CTAGE1: variants seen among roughly 807,000 people sequenced by gnomAD.
CTAGE1 encodes cTAGE family member 2.
For missense variants in CTAGE1, 963 were observed against 855.9 expected (o/e 1.13, Z -1.56); for synonymous variants, 332 against 302.8 (o/e 1.10, Z -1.00).
At position 22,416,641 on chromosome 18, in the gene CTAGE1, T is replaced by A; in HGVS notation, c.1171A>T (p.Ile391Phe). Reference protein sequence around the residue: ...EEKLSKVDEMISHATEELETY... With the variant: ...EEKLSKVDEMFSHATEELETY... ...TCCAGCTCTTCAGTGGCATGGCTGATCATTTCGTCTACTTTAGAAAGTTTC... is the reference window on the plus strand; with the variant it reads ...TCCAGCTCTTCAGTGGCATGGCTGAACATTTCGTCTACTTTAGAAAGTTTC... The change falls in exon 1 of 1, where the codon ATC becomes TTC. Residue 391 changes from isoleucine (I) to phenylalanine (F), a missense_variant. Coordinates refer to ENST00000391403, the MANE Select transcript of CTAGE1 (RefSeq NM_172241.3). 1.2e-6 allele frequency: 2 copies of A among 1,613,914 alleles called. No homozygotes were observed. Among genetic ancestry groups the A allele is most frequent in the Non-Finnish European group, 1.7e-6 (2 of 1,179,976 alleles).
Position 22,415,409 on chromosome 18 carries a change from T to C in CTAGE1, c.*165A>G. On this transcript the variant is annotated 3_prime_UTR_variant, in exon 1 of 1. Transcript: ENST00000391403. ...CATTAAGTTTCAATCTGAACAAAAG[T>C]GTAATCACTTAAGTAACAGCAGTTA... 1.7e-6 allele frequency: 1 copy of C among 604,820 alleles called. No individual in the cohort carries two copies. The highest frequency in any genetic ancestry group is 2.8e-5 in the East Asian group (1 of 35,714). 37.5% of individuals were successfully genotyped at this position (604,820 alleles called of 1,614,324 possible). A position where few individuals can be genotyped will look rare whatever the true frequency, so the allele number is the denominator to read the frequency against.
Position 22,416,081 on chromosome 18 carries a change from A to T in CTAGE1, c.1731T>A (p.Pro577=), listed in dbSNP as rs1237164847. ...AATCAGGATATGATTGTCCTGGTGG[A>T]GGAAACATCATCCTATAGTCCTGTT... ...PWEQDYRMMF[P]PPGQSYPDSA... is the part of the protein sequence containing the mutation. Residue 577 remains proline, a synonymous_variant, in exon 1 of 1, where the codon CCT becomes CCA. Coordinates refer to ENST00000391403, the MANE Select transcript of CTAGE1 (RefSeq NM_172241.3). The T allele has an allele frequency of 6.2e-7, 1 of 1,613,970 alleles. No homozygotes were observed.
chr18:22,416,794 G>T lies in CTAGE1; in HGVS notation c.1018C>A (p.His340Asn), dbSNP rs770981919. ...EQASLQSENT[H>N]FESENQKLQQ... ...AGCTTCTGATTCTCACTTTCAAAAT[G>T]TGTGTTTTCTGACTGCAAAGATGCT... The change falls in exon 1 of 1, where the codon CAT (histidine) becomes AAT (asparagine). Residue 340 changes from histidine to asparagine, a missense_variant. Physicochemically the swap from His to Asn is moderately conservative, Grantham distance 68. Coordinates refer to ENST00000391403, the MANE Select transcript of CTAGE1 (RefSeq NM_172241.3). 1.2e-6 allele frequency: 2 copies of T among 1,612,410 alleles called. No homozygotes were observed.
chr18:22,417,094 G>C lies in CTAGE1; in HGVS notation c.718C>G (p.Arg240Gly). 6.2e-7 allele frequency: 1 copy of C among 1,613,870 alleles called. No homozygotes were observed. Among genetic ancestry groups the C allele is most frequent in the Non-Finnish European group, 8.5e-7 (1 of 1,179,836 alleles). ...ACCCCATCTTTCATCTTTAGCAAGC[G>C]TTCAGTCAGAGTCTTGATGTGATTT... The part of the protein sequence containing the change: ...KENHIKTLTE[R>G]LLKMKDGVAM... Residue 240 changes from arginine (R) to glycine (G), a missense_variant, in exon 1 of 1, where the codon CGC (arginine) becomes GGC (glycine). Transcript: ENST00000391403.
rs372541674 is a variant in CTAGE1, at chr18:22,417,060, A to C, written c.752T>G (p.Leu251Arg). ...ATCATCATCCGTTACATCTTCTTCAAGCATAGCAACCCCATCTTTCATCTT... is the reference window on the plus strand; with the variant it reads ...ATCATCATCCGTTACATCTTCTTCACGCATAGCAACCCCATCTTTCATCTT... ...LLKMKDGVAMLEEDVTDDDNL... is the reference protein window; with the variant it reads ...LLKMKDGVAMREEDVTDDDNL... The change falls in exon 1 of 1, where the codon CTT (leucine) becomes CGT (arginine). Residue 251 changes from leucine to arginine, a missense_variant. Physicochemically the swap from Leu to Arg is moderately radical, Grantham distance 102. Transcript: ENST00000391403. 6.2e-7 allele frequency: 1 copy of C among 1,613,974 alleles called. No individual in the cohort carries two copies.
Position 22,414,291 on chromosome 18 carries a change from T to G in CTAGE1, c.*1283A>C. The G allele has an allele frequency of 5.4e-6, 1 of 185,042 alleles. No homozygotes were observed. The highest frequency in any genetic ancestry group is 1.1e-5 in the Non-Finnish European group (1 of 89,764). 11.5% of individuals were successfully genotyped at this position (185,042 alleles called of 1,614,324 possible). A position where few individuals can be genotyped will look rare whatever the true frequency, so the allele number is the denominator to read the frequency against. ...AACAGAAGCATAAAGTAGCTGAGGA[T>G]AGTGGTGGTTCAAGGGAAGACGGAA... is the stretch of plus-strand genomic sequence containing the variant. On this transcript the variant is annotated 3_prime_UTR_variant, in exon 1 of 1. Transcript: ENST00000391403.
Position 22,415,547 on chromosome 18 carries a change from C to G in CTAGE1, c.*27G>C. 6.5e-7 allele frequency: 1 copy of G among 1,547,764 alleles called. No individual in the cohort carries two copies. The highest frequency in any genetic ancestry group is 2.2e-5 in the East Asian group (1 of 44,464). ...CAGCAGGCTCATTTGAAGTCGGACT[C>G]AACCCTGATGGAAACTCATTCTACC... On this transcript the variant is annotated 3_prime_UTR_variant, in exon 1 of 1. Coordinates refer to ENST00000391403, the MANE Select transcript of CTAGE1 (RefSeq NM_172241.3).
rs201563176 is a variant in CTAGE1, at chr18:22,416,116, G to A, written c.1696C>T (p.Pro566Ser). 2 of 1,613,984 alleles carry A rather than the reference G, an allele frequency of 1.2e-6. No individual in the cohort carries two copies. The highest frequency in any genetic ancestry group is 1.7e-6 in the Non-Finnish European group (2 of 1,179,868). ...RAPSDAGPLA[P>S]PWEQDYRMMF... ...ATCCTATAGTCCTGTTCCCACGGAG[G>A]TGCCAGGGGCCCAGCGTCAGAAGGA... Residue 566 changes from proline (P) to serine (S), a missense_variant, in exon 1 of 1, where the codon CCT (proline) becomes TCT (serine). Pro to Ser is a moderately conservative substitution (Grantham distance 74). Transcript: ENST00000391403.
Position 22,417,483 on chromosome 18 carries a change from T to G in CTAGE1, c.329A>C (p.Glu110Ala). 3.1e-6 allele frequency: 5 copies of G among 1,614,036 alleles called. No individual in the cohort carries two copies. Among genetic ancestry groups the G allele is most frequent in the Non-Finnish European group, 4.2e-6 (5 of 1,179,878 alleles). The change falls in exon 1 of 1, where the codon GAA (glutamate) becomes GCA (alanine). Residue 110 changes from glutamate (E) to alanine (A), a missense_variant. Physicochemically the swap from Glu to Ala is moderately radical, Grantham distance 107 (BLOSUM62 -1). Coordinates refer to ENST00000391403, the MANE Select transcript of CTAGE1 (RefSeq NM_172241.3). ...TAGACAGAGTATTTCATGCACAAGT[T>G]CAGAATTGAACCTGTTCAGCTTTTC... ...TCEKLNRFNSELVHEILCLEK... is the reference protein window; with the variant it reads ...TCEKLNRFNSALVHEILCLEK...
Position 22,415,437 on chromosome 18 carries a change from T to C in CTAGE1, c.*137A>G, listed in dbSNP as rs2034997199. On this transcript the variant is annotated 3_prime_UTR_variant, in exon 1 of 1. Coordinates refer to ENST00000391403, the MANE Select transcript of CTAGE1 (RefSeq NM_172241.3). ...AATCACTTAAGTAACAGCAGTTACT[T>C]AAACTGAAAATGAGATCAGTCAAAA... 1.4e-6 allele frequency: 1 copy of C among 719,732 alleles called. No individual in the cohort carries two copies. The highest frequency in any genetic ancestry group is 1.8e-5 in the African/African-American group (1 of 56,092). The allele number at this position is 719,732 out of a possible 1,614,324, so 44.6% of individuals were successfully genotyped here.
Position 22,416,193 on chromosome 18 carries a change from G to A in CTAGE1, c.1619C>T (p.Thr540Ile), listed in dbSNP as rs745837406. ...GPGNPPDHQI[T>I]KERGESSCDR... is the part of the protein sequence containing the mutation. The stretch of plus-strand genomic sequence containing the variant: ...ACAGCTTGATTCTCCTCTTTCTTTG[G>A]TAATCTGATGGTCCGGAGGATTCCC... The change falls in exon 1 of 1, where the codon ACC becomes ATC. Residue 540 changes from threonine to isoleucine, a missense_variant. Physicochemically the swap from Thr to Ile is moderately conservative, Grantham distance 89. Transcript: ENST00000391403. 9.3e-6 allele frequency: 15 copies of A among 1,613,876 alleles called. No individual in the cohort carries two copies. The highest frequency in any genetic ancestry group is 1.2e-5 in the Non-Finnish European group (14 of 1,179,856).
rs955954493 is a variant in CTAGE1, at chr18:22,414,774, C to T, written c.*800G>A. ...TATAATTCTGGGGCAAGTAAAAGTTCTGGATAAAGTTGTTCCCACCAAATA... is the reference window on the plus strand; with the variant it reads ...TATAATTCTGGGGCAAGTAAAAGTTTTGGATAAAGTTGTTCCCACCAAATA... On this transcript the variant is annotated 3_prime_UTR_variant, in exon 1 of 1. Transcript: ENST00000391403. 5 of 702,726 alleles carry T rather than the reference C, an allele frequency of 7.1e-6. No individual in the cohort carries two copies. The highest frequency in any genetic ancestry group is 1.3e-5 in the Non-Finnish European group (5 of 385,002). The allele number at this position is 702,726 out of a possible 1,614,324, so 43.5% of individuals were successfully genotyped here.
rs200063482 is a variant in CTAGE1, at chr18:22,417,378, G to A, written c.434C>T (p.Ser145Leu). The A allele has an allele frequency of 1.9e-5, 30 of 1,613,918 alleles. No individual in the cohort carries two copies. Among genetic ancestry groups the A allele is most frequent in the Non-Finnish European group, 2.2e-5 (26 of 1,179,850 alleles). ...GAGGGATTTTGACTCATCTTCTAGCGACTGTATCCTTTTGGAAATATCCGC... is the reference window on the plus strand; with the variant it reads ...GAGGGATTTTGACTCATCTTCTAGCAACTGTATCCTTTTGGAAATATCCGC... The part of the protein sequence containing the change: ...LMADISKRIQ[S>L]LEDESKSLKS... The change falls in exon 1 of 1, where the codon TCG (serine) becomes TTG (leucine). Residue 145 changes from serine (S) to leucine (L), a missense_variant. Coordinates refer to ENST00000391403, the MANE Select transcript of CTAGE1 (RefSeq NM_172241.3).
In CTAGE1 at chr18:22,414,468, G is replaced by T; in HGVS notation, c.*1106C>A. ...GGATGCTTTTTAAAAGTGAGGGCAG[G>T]TTGTCCCCAAAAGAAGCAATGGCTT... On this transcript the variant is annotated 3_prime_UTR_variant, in exon 1 of 1. Transcript: ENST00000391403. The T allele has an allele frequency of 1.7e-6, 1 of 573,320 alleles. No homozygotes were observed. Among genetic ancestry groups the T allele is most frequent in the East Asian group, 2.8e-5 (1 of 35,280 alleles). The allele number at this position is 573,320 out of a possible 1,614,324, so 35.5% of individuals were successfully genotyped here. A position where few individuals can be genotyped will look rare whatever the true frequency, so the allele number is the denominator to read the frequency against.
chr18:22,415,442 T>C lies in CTAGE1; in HGVS notation c.*132A>G. ...CTTAAGTAACAGCAGTTACTTAAACTGAAAATGAGATCAGTCAAAATTACT... is the reference window on the plus strand; with the variant it reads ...CTTAAGTAACAGCAGTTACTTAAACCGAAAATGAGATCAGTCAAAATTACT... On this transcript the variant is annotated 3_prime_UTR_variant, in exon 1 of 1. Transcript: ENST00000391403. 1.3e-6 allele frequency: 1 copy of C among 750,112 alleles called. No homozygotes were observed. Among genetic ancestry groups the C allele is most frequent in the Non-Finnish European group, 2.2e-6 (1 of 450,060 alleles). The allele number at this position is 750,112 out of a possible 1,614,324, so 46.5% of individuals were successfully genotyped here. A position where few individuals can be genotyped will look rare whatever the true frequency, so the allele number is the denominator to read the frequency against.
chr18:22,415,773 G>C lies in CTAGE1; in HGVS notation c.2039C>G (p.Pro680Arg). Reference sequence around the variant, plus strand: ...GAAAGGAGGTCCTCTTCTTATGAACGGGCCCCTTGTATCTACTGGAAACAA... The same window carrying C: ...GAAAGGAGGTCCTCTTCTTATGAACCGGCCCCTTGTATCTACTGGAAACAA... ...GLLFPVDTRG[P>R]FIRRGPPFPP... Residue 680 changes from proline (P) to arginine (R), a missense_variant, in exon 1 of 1, where the codon CCG becomes CGG. Coordinates refer to ENST00000391403, the MANE Select transcript of CTAGE1 (RefSeq NM_172241.3). The C allele has an allele frequency of 6.2e-7, 1 of 1,613,874 alleles. No homozygotes were observed. The highest frequency in any genetic ancestry group is 8.5e-7 in the Non-Finnish European group (1 of 1,179,852).
rs1369602730 is a variant in CTAGE1 at position 22,417,103 on chromosome 18, G to C, written c.709C>G (p.Leu237Val). 1 of 1,613,786 alleles carries C rather than the reference G, an allele frequency of 6.2e-7. No homozygotes were observed. The highest frequency in any genetic ancestry group is 8.5e-7 in the Non-Finnish European group (1 of 1,179,848). Reference protein sequence around the residue: ...LNDKENHIKTLTERLLKMKDG... With the variant: ...LNDKENHIKTVTERLLKMKDG... ...TTCATCTTTAGCAAGCGTTCAGTCA[G>C]AGTCTTGATGTGATTTTCTTTATCA... The change falls in exon 1 of 1, where the codon CTG (leucine) becomes GTG (valine). Residue 237 changes from leucine (L) to valine (V), a missense_variant. Transcript: ENST00000391403.
chr18:22,416,450 T>C lies in CTAGE1; in HGVS notation c.1362A>G (p.Arg454=). 2 of 1,613,984 alleles carry C rather than the reference T, an allele frequency of 1.2e-6. No homozygotes were observed. Among genetic ancestry groups the C allele is most frequent in the Non-Finnish European group, 1.7e-6 (2 of 1,179,974 alleles). Residue 454 remains arginine (R), a synonymous_variant, in exon 1 of 1, where the codon AGA becomes AGG. Transcript: ENST00000391403. ...TAAACTCTATTTCAGTTAATTTTTG[T>C]CTGTTGTGAGCATTTTCTTTCCTTA... is the stretch of plus-strand genomic sequence containing the variant. ...NDLRKENAHN[R]QKLTEIEFKI...
chr18:22,416,416 G>A lies in CTAGE1; in HGVS notation c.1396C>T (p.Leu466Phe), dbSNP rs367973407. Residue 466 changes from leucine to phenylalanine, a missense_variant, in exon 1 of 1, where the codon CTT becomes TTT. Coordinates refer to ENST00000391403, the MANE Select transcript of CTAGE1 (RefSeq NM_172241.3). ...KLTEIEFKIKLLEKDPYGLDV... is the reference protein window; with the variant it reads ...KLTEIEFKIKFLEKDPYGLDV... ...AGTCCATAAGGATCTTTTTCTAAAA[G>A]TTTTATTTTAAACTCTATTTCAGTT... 3 of 1,613,448 alleles carry A rather than the reference G, an allele frequency of 1.9e-6. No individual in the cohort carries two copies. Among genetic ancestry groups the A allele is most frequent in the African/African-American group, 2.7e-5 (2 of 74,848 alleles).
Sources: gnomAD v4.1 joint callset for allele counts on GRCh38, gnomAD v4.1.1 for gene constraint, MANE v1.5 for transcripts, NCBI Gene and HGNC (gene_info 2026-07-23, HGNC 2026-07-21) for gene names.